Variants in ENAM observed in about 807,000 individuals in gnomAD.
ENAM encodes the protein amelogenesis imperfecta 2, hypocalcification (autosomal dominant).
Under a neutral mutation model 33.6 loss-of-function variants are expected in ENAM, and 21 were observed. The ratio of observed to expected loss-of-function variants is 0.63; its 90% CI spans 0.44 to 0.90. The LOEUF (loss-of-function observed/expected upper bound fraction) is 0.90, where lower values mean the gene tolerates loss of function less well. ENAM is among the 40% of genes least tolerant of loss of function. ENAM has a pLI of 0.00. For synonymous variants in ENAM, 473 were observed against 468.4 expected (o/e 1.01, Z -0.13); for missense variants, 1,388 against 1,366.9 (o/e 1.02, Z -0.24).
At position 70,645,208 on chromosome 4, in the gene ENAM, G is replaced by C; in HGVS notation, c.*353G>C. 1 of 457,030 alleles carries C rather than the reference G, an allele frequency of 2.2e-6. No individual in the cohort carries two copies. The highest frequency in any genetic ancestry group is 3.3e-5 in the South Asian group (1 of 29,996). 28.3% of individuals were successfully genotyped at this position (457,030 alleles called of 1,614,324 possible). ...CTTGCAAAATTGGTTTTTCAAGACTGAAAGGCAGATTAACTTTCCATTCTA... is the reference window on the plus strand; with the variant it reads ...CTTGCAAAATTGGTTTTTCAAGACTCAAAGGCAGATTAACTTTCCATTCTA... On this transcript the variant is annotated 3_prime_UTR_variant, in exon 9 of 9. Transcript: ENST00000396073.
intron 4 of ENAM, 24 bp from the exon 5 acceptor site, chr4:70,632,627 A>C: frequency 6.5e-7 from 1 of 1,543,722 alleles, no homozygotes; most frequent in Non-Finnish European, 9.0e-7. Flanking sequence ...TTTGTATCAC[A>C]TTAATGGATT....
At position 70,642,750 on chromosome 4, in the gene ENAM, G is replaced by T; in HGVS notation, c.1324G>T (p.Gly442Cys). The change falls in exon 9 of 9, where the codon GGT (glycine) becomes TGT (cysteine). Residue 442 changes from glycine to cysteine, a missense_variant. Gly to Cys is a radical substitution (Grantham distance 159). Coordinates refer to ENST00000396073, the MANE Select transcript of ENAM (RefSeq NM_031889.3). Reference protein sequence around the residue: ...KIQNPKEKPLGPKEQIIVPTK... With the variant: ...KIQNPKEKPLCPKEQIIVPTK... ...CCAAAATCCAAAGGAGAAGCCCCTGGGTCCAAAAGAACAAATAATAGTTCC... is the reference window on the plus strand; with the variant it reads ...CCAAAATCCAAAGGAGAAGCCCCTGTGTCCAAAAGAACAAATAATAGTTCC... 6.2e-7 allele frequency: 1 copy of T among 1,609,174 alleles called. No homozygotes were observed. The highest frequency in any genetic ancestry group is 8.5e-7 in the Non-Finnish European group (1 of 1,178,432).
chr4:70,634,634 A>C, intron 6 of ENAM, 66 bp downstream of exon 6: 1 of 1,434,524 alleles, frequency 7.0e-7, no homozygotes, highest in South Asian at 1.1e-5. Flanking sequence ...GGGCCATGCC[A>C]CCCCCATATA....
In ENAM at chr4:70,643,649, A is replaced by G. The variant is rs1440234835; in HGVS notation, c.2223A>G (p.Ile741Met). The change falls in exon 9 of 9, where the codon ATA (isoleucine) becomes ATG (methionine). Residue 741 changes from isoleucine (I) to methionine (M), a missense_variant. Coordinates refer to ENST00000396073, the MANE Select transcript of ENAM (RefSeq NM_031889.3). ...CAGCTTCTACTATGCCACCACCTAT[A>G]GAGAGCAGGGGCTACTACGTTAATA... ...YNTASTMPPP[I>M]ESRGYYVNNA... 3 of 1,614,158 alleles carry G rather than the reference A, an allele frequency of 1.9e-6. No homozygotes were observed. The East Asian group carries it at 6.7e-5, about 36-fold the overall frequency.
At position 70,634,292 on chromosome 4, in the gene ENAM, T is replaced by C; in HGVS notation, c.211-16T>C. ...CAGCTCTATTATGATTTCACTATTA[T>C]TTGCTACCCTTTCAGATGGCACACC... On this transcript the variant is annotated splice_polypyrimidine_tract_variant and intron_variant, in intron 5 of 8. Transcript: ENST00000396073. 1 of 1,613,464 alleles carries C rather than the reference T, an allele frequency of 6.2e-7. No individual in the cohort carries two copies. Among genetic ancestry groups the C allele is most frequent in the Non-Finnish European group, 8.5e-7 (1 of 1,179,550 alleles).
intron 8 of ENAM, among the ~76,000 whole-genome samples, chr4:70,638,326 T>C (rs1018460347): frequency 3.3e-5 from 5 of 152,136 alleles, no homozygotes; most frequent in African/African-American, 1.2e-4. Context: ...AAAGTCATTT[T>C]AGTGATTGTG....
chr4:70,631,073 T>C (rs941576204), intron 2 of ENAM, among the ~76,000 whole-genome samples: 1 of 152,012 alleles, frequency 6.6e-6, no homozygotes, highest in Non-Finnish European at 1.5e-5. Context: ...GTGATGATGA[T>C]GATAATAATA....
At position 70,646,352 on chromosome 4, in the gene ENAM, T is replaced by C. The variant is rs1738762746; in HGVS notation, c.*1497T>C. 1 of 152,184 alleles carries C rather than the reference T, an allele frequency of 6.6e-6. No individual in the cohort carries two copies. The highest frequency in any genetic ancestry group is 2.4e-5 in the African/African-American group (1 of 41,430). The allele number at this position is 152,184 out of a possible 1,614,324, so 9.4% of individuals were successfully genotyped here. On this transcript the variant is annotated 3_prime_UTR_variant, in exon 9 of 9. Transcript: ENST00000396073. ...TACTTTATAACTTTAAGAGATTTCT[T>C]AGGATACATCTTCAGGGGCAGATTT...
intron 6 of ENAM, among the ~76,000 whole-genome samples, chr4:70,635,090 TTTTAGGCCGGGCG>T (rs1738417755): frequency 6.6e-6 from 1 of 152,168 alleles, no homozygotes; most frequent in East Asian, 1.9e-4. Context: ...AAATACTGGC[TTTTAGGCCGGGCG>T]TGGTGGCTCA....
At chr4:70,637,001 T>C (rs1368640732) in intron 7 of ENAM, among the ~76,000 whole-genome samples, 1 of 152,214 alleles carries the variant, frequency 6.6e-6, no homozygotes, top group Non-Finnish European at 1.5e-5. Flanking sequence ...TGACATAGGT[T>C]TTCCTTGTCT....
intron 7 of ENAM, chr4:70,637,554 T>A: frequency 1.9e-6 from 1 of 540,530 alleles, no homozygotes; most frequent in Non-Finnish European, 3.3e-6. Flanking sequence ...ACAGAGTATT[T>A]TAAGTAGGAT....
intron 5 of ENAM, among the ~76,000 whole-genome samples, chr4:70,633,033 T>C (rs926079368): frequency 1.3e-5 from 2 of 151,964 alleles, no homozygotes; most frequent in East Asian, 3.9e-4. Context: ...ATAGTAAGTA[T>C]TGGTGGGGGG....
chr4:70,634,252 A>G, intron 5 of ENAM, 56 bp from the exon 6 acceptor site: 1 of 1,562,282 alleles, frequency 6.4e-7, no homozygotes, highest in Non-Finnish European at 8.8e-7. Flanking sequence ...TAGAGGATGG[A>G]GACAGCCTGA....
chr4:70,643,114 G>A lies in ENAM; in HGVS notation c.1688G>A (p.Gly563Glu). ...PSPAKEHFPAGRNTWDHQEIS... is the reference protein window; with the variant it reads ...PSPAKEHFPAERNTWDHQEIS... ...CCTGCAAAAGAACATTTTCCTGCTG[G>A]AAGAAATACTTGGGACCACCAAGAA... The change falls in exon 9 of 9, where the codon GGA becomes GAA. Residue 563 changes from glycine (G) to glutamate (E), a missense_variant. Physicochemically the swap from Gly to Glu is moderately conservative, Grantham distance 98 (BLOSUM62 -2). Transcript: ENST00000396073. 1.2e-6 allele frequency: 2 copies of A among 1,613,812 alleles called. No individual in the cohort carries two copies. The highest frequency in any genetic ancestry group is 1.7e-6 in the Non-Finnish European group (2 of 1,179,966).
rs1348232351 is a variant in ENAM, at chr4:70,642,337, G to A, written c.911G>A (p.Gly304Glu). 1 of 1,614,082 alleles carries A rather than the reference G, an allele frequency of 6.2e-7. No homozygotes were observed. The highest frequency in any genetic ancestry group is 8.5e-7 in the Non-Finnish European group (1 of 1,180,048). The stretch of plus-strand genomic sequence containing the variant: ...AACGCTTCAGGCCAGGGAGGGCCAG[G>A]AAGTCAAATCCCATGGAGACCAAGT... The part of the protein sequence containing the change: ...AVNASGQGGP[G>E]SQIPWRPSQP... Residue 304 changes from glycine (G) to glutamate (E), a missense_variant, in exon 9 of 9, where the codon GGA becomes GAA. Coordinates refer to ENST00000396073, the MANE Select transcript of ENAM (RefSeq NM_031889.3).
chr4:70,635,238 T>C (rs969107688), intron 6 of ENAM, among the ~76,000 whole-genome samples: 3 of 151,950 alleles, frequency 2.0e-5, no homozygotes, highest in African/African-American at 7.2e-5. Context: ...GTAGCTGGGC[T>C]TGGTGGTGCG....
chr4:70,641,963 A>G (rs1442289764), intron 8 of ENAM, 52 bp from the exon 9 acceptor site: 4 of 1,376,644 alleles, frequency 2.9e-6, no homozygotes, highest in Non-Finnish European at 3.1e-6. Flanking sequence ...TCCAAACAAC[A>G]CCATGGTGGG....
chr4:70,640,999 C>T (rs1048995288), intron 8 of ENAM, among the ~76,000 whole-genome samples: 5 of 152,160 alleles, frequency 3.3e-5, no homozygotes, highest in African/African-American at 1.2e-4. Flanking sequence ...AAGAAAACTA[C>T]TGTAACAGTT....
Position 70,642,557 on chromosome 4 carries a change from A to G in ENAM, c.1131A>G (p.Pro377=). 6.2e-7 allele frequency: 1 copy of G among 1,614,094 alleles called. No individual in the cohort carries two copies. Among genetic ancestry groups the G allele is most frequent in the Non-Finnish European group, 8.5e-7 (1 of 1,179,992 alleles). ...ERKQVARPGN[P]VYHKAYPPTS... ...AACAAGTAGCTCGTCCAGGAAATCC[A>G]GTTTATCACAAAGCTTACCCTCCTA... Residue 377 remains proline (P), a synonymous_variant, in exon 9 of 9, where the codon CCA becomes CCG. Transcript: ENST00000396073.
Sources: gnomAD v4.1 joint callset for allele counts (sites outside exome capture counted in the v4.1 genomes callset) on GRCh38, gnomAD v4.1.1 for gene constraint, MANE v1.5 for transcripts, NCBI Gene and HGNC (gene_info 2026-07-23, HGNC 2026-07-21) for gene names.